The following TBC1D22A variants were observed in gnomAD, a reference collection of about 807,000 sequenced individuals.
TBC1D22A encodes TBC1 domain family member 22A, also known as putative GTPase activator.
Under a neutral mutation model 60.2 loss-of-function variants are expected in TBC1D22A, and 38 were observed. The ratio of observed to expected loss-of-function variants is 0.63; its 90% CI spans 0.49 to 0.83. The LOEUF is 0.83. TBC1D22A is among the 40% of genes least tolerant of loss of function. The pLI is 0.00. For missense variants in TBC1D22A, 628 were observed against 701.0 expected (o/e 0.90, Z 1.18); for synonymous variants, 302 against 281.7 (o/e 1.07, Z -0.72).
chr22:46,798,952 G>A (rs763831128), intron 4 of TBC1D22A, among the ~76,000 whole-genome samples: 1 of 152,222 alleles, frequency 6.6e-6, no homozygotes, highest in Non-Finnish European at 1.5e-5. Context: ...CTCGAGGCGG[G>A]GGAGGGCTCT....
At chr22:46,855,674 C>A (rs749047579) in intron 4 of TBC1D22A, among the ~76,000 whole-genome samples, 1 of 152,114 alleles carries the variant, frequency 6.6e-6, no homozygotes, top group Non-Finnish European at 1.5e-5. Context: ...CTCTGGGGCA[C>A]CAGATCCAGG....
intron 4 of TBC1D22A, among the ~76,000 whole-genome samples, chr22:46,868,105 A>C (rs1225027290): frequency 6.6e-6 from 1 of 152,100 alleles, no homozygotes; most frequent in African/African-American, 2.4e-5. Context: ...CCGCTTAGCT[A>C]CTCTGAACGC....
At chr22:47,058,814 T>C (rs557654965) in intron 11 of TBC1D22A, among the ~76,000 whole-genome samples, 1 of 152,178 alleles carries the variant, frequency 6.6e-6, no homozygotes, top group Admixed American at 6.5e-5. Context: ...TGACTGTTGG[T>C]TGAATAAGGT....
At chr22:46,874,554 A>G (rs1358783528) in intron 4 of TBC1D22A, among the ~76,000 whole-genome samples, 1 of 129,324 alleles carries the variant, frequency 7.7e-6, no homozygotes, top group African/African-American at 3.0e-5. Context: ...GTTTGGCTAC[A>G]GGTATGTCTT....
chr22:46,899,215 A>G (rs3965121), intron 7 of TBC1D22A, among the ~76,000 whole-genome samples: 110,214 of 151,968 alleles, frequency 0.73, 40,026 homozygotes, highest in Middle Eastern at 0.87. Flanking sequence ...AGGAGGCCAA[A>G]GCAAGCAGAT....
intron 12 of TBC1D22A, among the ~76,000 whole-genome samples, chr22:47,143,830 C>G (rs5767530): frequency 0.29 from 44,204 of 152,168 alleles, 7,432 homozygotes; most frequent in East Asian, 0.72. Context: ...GGGCTGGGCC[C>G]GGAGGTGAAG....
chr22:46,978,850 C>T (rs1047355056), intron 9 of TBC1D22A, among the ~76,000 whole-genome samples: 4 of 152,074 alleles, frequency 2.6e-5, no homozygotes, highest in Non-Finnish European at 5.9e-5. Context: ...CTCAAGTGAT[C>T]TGCCCGCCTC....
chr22:47,086,988 C>G (rs1014978575), intron 11 of TBC1D22A, among the ~76,000 whole-genome samples: 2 of 152,214 alleles, frequency 1.3e-5, no homozygotes, highest in African/African-American at 2.4e-5. Context: ...ACACCTGCCA[C>G]CCCGCAACTG....
intron 11 of TBC1D22A, among the ~76,000 whole-genome samples, chr22:47,068,450 C>A (rs1276456469): frequency 6.6e-6 from 1 of 152,256 alleles, no homozygotes; most frequent in African/African-American, 2.4e-5. Flanking sequence ...GAAGATAGCT[C>A]TTCTGGTGGG....
intron 4 of TBC1D22A, among the ~76,000 whole-genome samples, chr22:46,818,582 T>C (rs2085696775): frequency 6.6e-6 from 1 of 152,212 alleles, no homozygotes; most frequent in African/African-American, 2.4e-5. Context: ...GTGTTACTTC[T>C]GAGGTCTCTG....
At chr22:46,846,432 G>T (rs2086996314) in intron 4 of TBC1D22A, among the ~76,000 whole-genome samples, 1 of 152,186 alleles carries the variant, frequency 6.6e-6, no homozygotes, top group Non-Finnish European at 1.5e-5. Context: ...GGGCTGTGGG[G>T]TGCTTAAGTG....
chr22:47,078,764 T>G (rs541979832), intron 11 of TBC1D22A, among the ~76,000 whole-genome samples: 4 of 152,324 alleles, frequency 2.6e-5, no homozygotes, highest in Non-Finnish European at 5.9e-5. Context: ...GCCTCTTCCA[T>G]TATTAATTGG....
At position 46,777,576 on chromosome 22, in the gene TBC1D22A, C is replaced by T. The variant is rs1401387813; in HGVS notation, c.62+14728C>T. On this transcript the variant is annotated intron_variant, in intron 1 of 12. Coordinates refer to ENST00000337137, the MANE Select transcript of TBC1D22A (RefSeq NM_014346.5). The surrounding 1 kb of genome is among the most constrained non-coding windows in gnomAD (Gnocchi z 4.5). ...AGAGAAGGAAGGAGGACTGAGGACT[C>T]GGCTTTGGGGAGCAGAGTTGGGAAC... 6.6e-6 allele frequency among the ~76,000 whole-genome samples: 1 copy of T among 152,036 alleles called. No individual in the cohort carries two copies. The highest frequency in any genetic ancestry group is 1.5e-5 in the Non-Finnish European group (1 of 68,016).
At chr22:46,817,526 T>C (rs1051564427) in intron 4 of TBC1D22A, among the ~76,000 whole-genome samples, 1 of 152,222 alleles carries the variant, frequency 6.6e-6, no homozygotes, top group Non-Finnish European at 1.5e-5. Flanking sequence ...TGTTCCTGTA[T>C]TGGTTTGCTG....
At chr22:47,164,122 C>T (rs1030140274) in intron 12 of TBC1D22A, among the ~76,000 whole-genome samples, 10 of 152,212 alleles carry the variant, frequency 6.6e-5, no homozygotes, top group Non-Finnish European at 1.5e-4. Context: ...CCGTGGGCTG[C>T]GCCAAGGGTG....
chr22:47,039,935 C>CTTTTTTTTTTTTT lies in TBC1D22A; in HGVS notation c.1329+2752_1329+2764dup, dbSNP rs570751261. On this transcript the variant is annotated intron_variant, in intron 11 of 12. Coordinates refer to ENST00000337137, the MANE Select transcript of TBC1D22A (RefSeq NM_014346.5). ...CAAGGCGTCGGGGAGGTGCCACAGCCTTTTTTTTTTTTTTTTTTTTTTTTT... is the reference window on the plus strand; with the variant it reads ...CAAGGCGTCGGGGAGGTGCCACAGCCTTTTTTTTTTTTTTTTTTTTTTTTTTTTTTTTTTTTTT... Among the ~76,000 whole-genome samples, 29 of 77,288 alleles carry CTTTTTTTTTTTTT rather than the reference C, an allele frequency of 3.8e-4. 4 individuals carry two copies. The highest frequency in any genetic ancestry group is 1.6e-3 in the African/African-American group (26 of 15,930). The allele number at this position is 77,288 out of a possible 152,430, so 50.7% of individuals were successfully genotyped here.
At chr22:47,154,671 C>T (rs2067641836) in intron 12 of TBC1D22A, among the ~76,000 whole-genome samples, 1 of 152,182 alleles carries the variant, frequency 6.6e-6, no homozygotes, top group Admixed American at 6.5e-5. Context: ...CGGAGCTGTC[C>T]GAGTTCAGAC....
At chr22:47,061,502 C>T (rs988251899) in intron 11 of TBC1D22A, among the ~76,000 whole-genome samples, 1 of 152,192 alleles carries the variant, frequency 6.6e-6, no homozygotes, top group Non-Finnish European at 1.5e-5. Context: ...GCAGCTCTCA[C>T]AGAAGCTTCG....
intron 4 of TBC1D22A, among the ~76,000 whole-genome samples, chr22:46,842,795 C>A (rs907456486): frequency 6.6e-6 from 1 of 152,238 alleles, no homozygotes; most frequent in Admixed American, 6.5e-5. Context: ...GGAGGGAGGG[C>A]TTTGGCGCCC....
Sources: allele counts gnomAD v4.1 joint callset (sites outside exome capture counted in the v4.1 genomes callset), GRCh38; gene constraint gnomAD v4.1.1; non-coding constraint Gnocchi (gnomAD v3.1); transcripts MANE v1.5; gene names NCBI Gene and HGNC (gene_info 2026-07-23, HGNC 2026-07-21).